The following SMC5 variants were observed in gnomAD, a reference collection of about 807,000 sequenced individuals.
SMC5 encodes structural maintenance of chromosomes protein 5.
A neutral mutation model predicts 148.3 loss-of-function variants in SMC5; 88 were observed. The observed-to-expected ratio is 0.59, with a 90% confidence interval of 0.50 to 0.71. The LOEUF (loss-of-function observed/expected upper bound fraction) is 0.71. SMC5 is among the 30% of genes least tolerant of loss of function. SMC5 has a pLI of 0.00. For synonymous variants in SMC5, 421 were observed against 432.8 expected (o/e 0.97, Z 0.34); for missense variants, 1,142 against 1,298.9 (o/e 0.88, Z 1.86).
intron 11 of SMC5, among the ~76,000 whole-genome samples, chr9:70,312,357 G>A (rs1023074610): frequency 2.0e-5 from 3 of 152,006 alleles, no homozygotes; most frequent in South Asian, 2.1e-4. Context: ...TCACTATCAC[G>A]AAACAGCATG....
At position 70,318,712 on chromosome 9, in the gene SMC5, A is replaced by G. The variant is rs769750967; in HGVS notation, c.1980+25A>G. The G allele has an allele frequency of 8.3e-6, 13 of 1,567,924 alleles. No individual in the cohort carries two copies. The South Asian group carries it at 1.6e-4, about 19-fold the overall frequency. On this transcript the variant is annotated intron_variant, in intron 14 of 24. Coordinates refer to ENST00000361138, the MANE Select transcript of SMC5 (RefSeq NM_015110.4). ...GGTTGGTTAATTTGATCTGAATGTT[A>G]GAAAAGAATATTAACTGGATTTCTA...
At chr9:70,330,911 A>G (rs2036202660) in intron 17 of SMC5, among the ~76,000 whole-genome samples, 1 of 152,188 alleles carries the variant, frequency 6.6e-6, no homozygotes, top group South Asian at 2.1e-4. Context: ...TTACAATAAT[A>G]TATTTTACCC....
chr9:70,340,559 AATG>A (rs72474042), intron 17 of SMC5, among the ~76,000 whole-genome samples: 15,040 of 151,982 alleles, frequency 0.099, 820 homozygotes, highest in African/African-American at 0.13. Context: ...ACTAAATTGG[AATG>A]ATGTTTTATT....
At chr9:70,339,541 A>G (rs977988518) in intron 17 of SMC5, among the ~76,000 whole-genome samples, 1 of 151,934 alleles carries the variant, frequency 6.6e-6, no homozygotes, top group Non-Finnish European at 1.5e-5. Flanking sequence ...GTTTGCTGCC[A>G]TTTACCTGCA....
intron 18 of SMC5, among the ~76,000 whole-genome samples, chr9:70,345,781 G>A (rs1321118995): frequency 2.6e-5 from 4 of 152,020 alleles, no homozygotes; most frequent in Admixed American, 6.6e-5. Flanking sequence ...TTTTATGAAC[G>A]AGCACTCTAA....
chr9:70,323,886 GT>G, intron 16 of SMC5, 134 bp from the exon 17 acceptor site: 1 of 896,390 alleles, frequency 1.1e-6, no homozygotes, highest in East Asian at 2.9e-5. Context: ...TACAAGAACT[GT>G]TTGAGAGAGA....
intron 6 of SMC5, among the ~76,000 whole-genome samples, chr9:70,281,716 A>G (rs1353061741): frequency 1.3e-5 from 2 of 152,098 alleles, no homozygotes; most frequent in Non-Finnish European, 2.9e-5. Context: ...ACCCTATTCC[A>G]TCATTTCATG....
intron 17 of SMC5, among the ~76,000 whole-genome samples, chr9:70,338,286 C>T (rs2036419669): frequency 6.6e-6 from 1 of 152,212 alleles, no homozygotes. Context: ...ACTGGGATTA[C>T]AGGCATGTGC....
chr9:70,276,104 T>G (rs766098868), intron 3 of SMC5, among the ~76,000 whole-genome samples: 7 of 152,226 alleles, frequency 4.6e-5, no homozygotes, highest in Admixed American at 1.3e-4. Context: ...CAGAGACCAT[T>G]GAATACTTTC....
chr9:70,292,410 A>T (rs2035087760), intron 8 of SMC5, among the ~76,000 whole-genome samples: 1 of 151,920 alleles, frequency 6.6e-6, no homozygotes, highest in Admixed American at 6.6e-5. Context: ...TCTTTGGTAG[A>T]TATTTTGGGA....
rs569094438 is a variant in SMC5, at chr9:70,347,191, A to C, written c.2664+30A>C. 4.4e-6 allele frequency: 7 copies of C among 1,583,450 alleles called. No homozygotes were observed. In the South Asian group the frequency reaches 7.8e-5, roughly 18 times the overall value. On this transcript the variant is annotated intron_variant, in intron 20 of 24. Coordinates refer to ENST00000361138, the MANE Select transcript of SMC5 (RefSeq NM_015110.4). ...GCCTGTTTCTCTATTCCCATTCTGC[A>C]TCCAACCACCACCACCACCCTCCCC...
intron 3 of SMC5, among the ~76,000 whole-genome samples, chr9:70,274,130 G>A (rs1158601290): frequency 6.6e-6 from 1 of 152,230 alleles, no homozygotes; most frequent in African/African-American, 2.4e-5. Context: ...CGCCCAGGCT[G>A]GAGTGCAGTG....
At chr9:70,299,328 A>AT (rs914279938) in intron 9 of SMC5, among the ~76,000 whole-genome samples, 25 of 149,338 alleles carry the variant, frequency 1.7e-4, no homozygotes, top group Admixed American at 4.0e-4. Context: ...AAAGCTTTTA[A>AT]TTTTTTTTTT....
chr9:70,319,944 T>C (rs927415650), intron 15 of SMC5, among the ~76,000 whole-genome samples: 2 of 152,250 alleles, frequency 1.3e-5, no homozygotes, highest in African/African-American at 4.8e-5. Context: ...ATTCAAATTT[T>C]CATTTGAAAG....
chr9:70,264,535 A>G, intron 2 of SMC5, 90 bp downstream of exon 2: 1 of 1,333,810 alleles, frequency 7.5e-7, no homozygotes, highest in African/African-American at 1.5e-5. Flanking sequence ...CCTTGGGTAT[A>G]GCAAACTTAA....
intron 3 of SMC5, among the ~76,000 whole-genome samples, chr9:70,276,468 G>C (rs531212194): frequency 5.0e-4 from 76 of 152,190 alleles, no homozygotes; most frequent in Non-Finnish European, 1.0e-3. Flanking sequence ...TTTACAGCAG[G>C]AGGATCAGTA....
At chr9:70,335,342 C>T (rs1564067227) in intron 17 of SMC5, among the ~76,000 whole-genome samples, 1 of 152,026 alleles carries the variant, frequency 6.6e-6, no homozygotes, top group Non-Finnish European at 1.5e-5. Context: ...TAAAAATTTG[C>T]CAGGCATGAT....
At chr9:70,271,345 G>A (rs1183544563) in intron 3 of SMC5, among the ~76,000 whole-genome samples, 4 of 152,120 alleles carry the variant, frequency 2.6e-5, no homozygotes, top group Non-Finnish European at 4.4e-5. Context: ...TAAACGTCAA[G>A]CACTTTTTCC....
intron 8 of SMC5, among the ~76,000 whole-genome samples, chr9:70,292,487 A>G (rs1031701449): frequency 2.6e-5 from 4 of 152,050 alleles, no homozygotes; most frequent in Non-Finnish European, 5.9e-5. Flanking sequence ...TCTGATTTGT[A>G]TGCACTTAGT....
Sources: gnomAD v4.1 joint callset for allele counts (sites outside exome capture counted in the v4.1 genomes callset) on GRCh38, gnomAD v4.1.1 for gene constraint, MANE v1.5 for transcripts, NCBI Gene and HGNC (gene_info 2026-07-23, HGNC 2026-07-21) for gene names.